Variants in KHDRBS2 observed in about 807,000 individuals in gnomAD.
KHDRBS2 encodes KH domain-containing, RNA-binding, signal transduction-associated protein 2.
In KHDRBS2, 26 loss-of-function variants were observed where a neutral mutation model predicts 44.3. The observed-to-expected ratio is 0.59, with a 90% confidence interval of 0.43 to 0.81. The LOEUF is 0.81. Among genes scored for constraint, KHDRBS2 ranks in the 40% least tolerant of loss-of-function variants. The pLI, the probability that KHDRBS2 is intolerant of heterozygous loss-of-function variation, is 0.00. For synonymous variants in KHDRBS2, 194 were observed against 151.1 expected (o/e 1.28, Z -2.08); for missense variants, 476 against 433.1 (o/e 1.10, Z -0.88).
At chr6:61,676,127 C>G (rs143178425), downstream of KHDRBS2, among the ~76,000 whole-genome samples, 1 of 151,750 alleles carries the variant, frequency 6.6e-6, no homozygotes, top group African/African-American at 2.4e-5. Flanking sequence ...CGTGCATATG[C>G]TTGCCAGTTA....
chr6:61,783,937 A>T (rs2127582446), intron 6 of KHDRBS2, among the ~76,000 whole-genome samples: 1 of 152,112 alleles, frequency 6.6e-6, no homozygotes, highest in Non-Finnish European at 1.5e-5. Flanking sequence ...TAAATTATAA[A>T]GTGTGAATCA....
intron 4 of KHDRBS2, among the ~76,000 whole-genome samples, chr6:61,946,978 G>A (rs1813501843): frequency 6.6e-6 from 1 of 152,160 alleles, no homozygotes; most frequent in South Asian, 2.1e-4. Flanking sequence ...AGGATCTTGG[G>A]CGGGCAAATG....
intron 2 of KHDRBS2, among the ~76,000 whole-genome samples, chr6:62,136,989 T>C (rs1811668283): frequency 7.3e-6 from 1 of 136,924 alleles, no homozygotes; most frequent in Admixed American, 8.1e-5. Context: ...GCTTTCTTTC[T>C]TTTCTTTTTT....
rs554781469 is a variant in KHDRBS2, at chr6:61,943,019, A to AAAGG, written c.483+35043_483+35046dup. 4.6e-4 allele frequency among the ~76,000 whole-genome samples: 67 copies of AAAGG among 146,484 alleles called. 1 individual carries two copies. In the East Asian group the frequency reaches 0.011, roughly 25 times the overall value. On this transcript the variant is annotated intron_variant, in intron 4 of 8. Transcript: ENST00000281156. ...GAAAGAAAGAAAGAGAGAGAGAGAG[A>AAAGG]AAGGAAGGAAGGAAGGAAAGAAGGA... is the stretch of plus-strand genomic sequence containing the variant.
chr6:61,705,694 C>T (rs1769404504), intron 7 of KHDRBS2, among the ~76,000 whole-genome samples: 1 of 151,620 alleles, frequency 6.6e-6, no homozygotes, highest in South Asian at 2.1e-4. Context: ...CTGTGAGCTC[C>T]TCTCTACATT....
At chr6:61,691,647 A>G (rs1767397718) in intron 8 of KHDRBS2, among the ~76,000 whole-genome samples, 1 of 152,058 alleles carries the variant, frequency 6.6e-6, no homozygotes, top group Admixed American at 6.6e-5. Context: ...TTGTAAGTCA[A>G]TTTTCCCAAA....
intron 1 of KHDRBS2, among the ~76,000 whole-genome samples, chr6:62,245,818 T>C (rs1399130452): frequency 6.6e-6 from 1 of 151,944 alleles, no homozygotes; most frequent in East Asian, 1.9e-4. Flanking sequence ...TTTTGGATCT[T>C]CTCTCACGTC....
At chr6:61,545,436 G>T in the KHDRBS2 span, among the ~76,000 whole-genome samples, 3 of 151,594 alleles carry the variant, frequency 2.0e-5, no homozygotes, top group African/African-American at 7.3e-5. Context: ...TAAAATTTTA[G>T]GTCATTGTGA....
chr6:62,281,117 A>T (rs1490061368), intron 1 of KHDRBS2, among the ~76,000 whole-genome samples: 1 of 152,168 alleles, frequency 6.6e-6, no homozygotes, highest in African/African-American at 2.4e-5. Flanking sequence ...TTAAAGACTG[A>T]CAAGTGATCA....
chr6:62,062,371 C>G (rs373588332), intron 2 of KHDRBS2, among the ~76,000 whole-genome samples: 38 of 142,230 alleles, frequency 2.7e-4, no homozygotes, highest in Non-Finnish European at 4.8e-4. Context: ...TGACCACATA[C>G]TTGGAAGTAA....
At chr6:61,888,423 G>C (rs1157222754) in intron 6 of KHDRBS2, among the ~76,000 whole-genome samples, 1 of 151,990 alleles carries the variant, frequency 6.6e-6, no homozygotes, top group Admixed American at 6.6e-5. Flanking sequence ...CCTGGGTGGA[G>C]GTATTGTACT....
chr6:61,681,048 C>G lies in KHDRBS2; in HGVS notation c.965G>C (p.Trp322Ser). Residue 322 changes from tryptophan to serine, a missense_variant, in exon 9 of 9, where the codon TGG (tryptophan) becomes TCG (serine). By Grantham distance (177) the Trp-to-Ser change is radical. Transcript: ENST00000281156. ...CTTCAAGCTAGAGCGGGTTGTGGCC[C>G]ATTCTTCTGGTGCTGTGAAAAAGAG... ...DAYDSYAPEE[W>S]ATTRSSLKAP... is the part of the protein sequence containing the mutation. The G allele has an allele frequency of 6.2e-7, 1 of 1,610,952 alleles. No homozygotes were observed. The highest frequency in any genetic ancestry group is 8.5e-7 in the Non-Finnish European group (1 of 1,178,006).
chr6:61,978,251 AT>A, intron 3 of KHDRBS2, 39 bp from the exon 4 acceptor site: 1 of 1,500,562 alleles, frequency 6.7e-7, no homozygotes, highest in Non-Finnish European at 9.1e-7. Flanking sequence ...AAATCCACTC[AT>A]TTTACATTGA....
intron 2 of KHDRBS2, among the ~76,000 whole-genome samples, chr6:62,098,240 A>T: frequency 7.7e-6 from 1 of 129,776 alleles, no homozygotes. Context: ...TTATAGCTTC[A>T]AACGTTTTTT....
chr6:62,117,143 T>C (rs558230497), intron 2 of KHDRBS2, among the ~76,000 whole-genome samples: 13 of 152,236 alleles, frequency 8.5e-5, no homozygotes, highest in South Asian at 2.1e-4. Flanking sequence ...ATATGGTAAA[T>C]CTAGTTTTAT....
chr6:62,062,465 T>G lies in KHDRBS2; in HGVS notation c.220-14471A>C, dbSNP rs1397663681. On this transcript the variant is annotated intron_variant, in intron 2 of 8. Transcript: ENST00000281156. ...AGTGCAATCAAACTAGAACTCAGGA[T>G]TAAGAATCTCACTCAAAGCCGCTCA... Among the ~76,000 whole-genome samples, 11 of 151,712 alleles carry G rather than the reference T, an allele frequency of 7.3e-5. No individual in the cohort carries two copies. In the East Asian group the frequency reaches 2.2e-3, roughly 30 times the overall value.
intron 3 of KHDRBS2, among the ~76,000 whole-genome samples, chr6:61,994,366 A>G (rs1690777871): frequency 1.3e-5 from 2 of 152,122 alleles, no homozygotes; most frequent in African/African-American, 4.8e-5. Context: ...TTTATTCCAG[A>G]CTCAGACTGG....
Position 61,901,340 on chromosome 6 carries a change from A to G in KHDRBS2, c.515T>C (p.Leu172Pro). The G allele has an allele frequency of 6.2e-7, 1 of 1,613,094 alleles. No homozygotes were observed. The change falls in exon 5 of 9, where the codon CTA becomes CCA. Residue 172 changes from leucine (L) to proline (P), a missense_variant. By Grantham distance (98) the Leu-to-Pro change is moderately conservative (BLOSUM62 -3). Transcript: ENST00000281156. ...GCCATTTAAGTAAGATAATTCACGT[A>G]GTTGTTCCTGACGAATTTCATCATT... The part of the protein sequence containing the change: ...DYNDEIRQEQ[L>P]RELSYLNGSE...
the KHDRBS2 span, among the ~76,000 whole-genome samples, chr6:61,654,671 C>T: frequency 6.6e-6 from 1 of 150,740 alleles, no homozygotes; most frequent in African/African-American, 2.4e-5. Flanking sequence ...TCTTTCATTA[C>T]CCATTTCTTC....
Sources: allele counts gnomAD v4.1 joint callset (sites outside exome capture counted in the v4.1 genomes callset), GRCh38; gene constraint gnomAD v4.1.1; transcripts MANE v1.5; gene names NCBI Gene and HGNC (gene_info 2026-07-23, HGNC 2026-07-21).